OPCML: variants seen among roughly 807,000 people sequenced by gnomAD.
OPCML encodes opioid binding protein/cell adhesion molecule like.
Under a neutral mutation model 37.8 loss-of-function variants are expected in OPCML, and 13 were observed. The ratio of observed to expected loss-of-function variants is 0.34; its 90% CI spans 0.22 to 0.55. OPCML has a LOEUF of 0.55. OPCML is among the 20% of genes least tolerant of loss of function. OPCML has a pLI of 0.91. For missense variants in OPCML, 341 were observed against 435.6 expected, an observed-to-expected ratio of 0.78 and a Z score of 1.93; for synonymous variants, 176 against 168.8, an observed-to-expected ratio of 1.04 and a Z score of -0.33.
intron 1 of OPCML, among the ~76,000 whole-genome samples, chr11:132,983,747 AT>A (rs1247994338): frequency 6.6e-6 from 1 of 152,208 alleles, no homozygotes; most frequent in Non-Finnish European, 1.5e-5. Flanking sequence ...CACCACACAC[AT>A]CTACATTTTT....
intron 3 of OPCML, among the ~76,000 whole-genome samples, chr11:132,536,471 T>C (rs2096341260): frequency 6.6e-6 from 1 of 152,182 alleles, no homozygotes; most frequent in Non-Finnish European, 1.5e-5. Flanking sequence ...GGAGATTAGA[T>C]TAGTGATAAT....
intron 2 of OPCML, among the ~76,000 whole-genome samples, chr11:132,711,746 A>C (rs1004346448): frequency 6.6e-6 from 1 of 152,324 alleles, no homozygotes; most frequent in Non-Finnish European, 1.5e-5. Flanking sequence ...TACAGTGTAC[A>C]CACACATATA....
intron 3 of OPCML, among the ~76,000 whole-genome samples, chr11:132,599,328 G>T (rs1937665857): frequency 6.9e-6 from 1 of 144,888 alleles, no homozygotes; most frequent in Admixed American, 6.8e-5. Context: ...AGGAGGAGAA[G>T]AAGGAGGAGG....
chr11:132,472,739 C>G lies in OPCML; in HGVS notation c.506-35380G>C, dbSNP rs150945187. ...GCTTGCACTGAACAATCTCTCCCCA[C>G]TGGGACCCACAGTCCCCAGCACAAG... On this transcript the variant is annotated intron_variant, in intron 4 of 7. Coordinates refer to ENST00000524381, the MANE Select transcript of OPCML (RefSeq NM_001012393.5). Among the ~76,000 whole-genome samples the G allele has an allele frequency of 3.1e-4, 47 of 152,358 alleles. 1 individual carries two copies. Among genetic ancestry groups the G allele is most frequent in the African/African-American group, 1.1e-3 (46 of 41,588 alleles).
Position 132,525,065 on chromosome 11 carries a change from A to G in OPCML, c.505+3996T>C, listed in dbSNP as rs543893235. ...CAGTGCAGCACTACCTGAAACCTTC[A>G]CTCTTCAACCATTATCATCTCAGGT... On this transcript the variant is annotated intron_variant, in intron 4 of 7. Transcript: ENST00000524381. 4.0e-5 allele frequency among the ~76,000 whole-genome samples: 6 copies of G among 151,672 alleles called. No homozygotes were observed. In the South Asian group the frequency reaches 6.3e-4, roughly 16 times the overall value.
At chr11:132,619,000 C>CAA (rs1348979941) in intron 3 of OPCML, among the ~76,000 whole-genome samples, 2 of 139,734 alleles carry the variant, frequency 1.4e-5, no homozygotes, top group Non-Finnish European at 3.1e-5. Flanking sequence ...CACACACACA[C>CAA]CGTGTTTAGA....
At chr11:133,163,651 T>G (rs1434145711) in intron 1 of OPCML, among the ~76,000 whole-genome samples, 1 of 152,208 alleles carries the variant, frequency 6.6e-6, no homozygotes, top group African/African-American at 2.4e-5. Context: ...CCTCTAGTGG[T>G]TCCTTTTTCT....
intron 4 of OPCML, among the ~76,000 whole-genome samples, chr11:132,506,851 G>A (rs975952446): frequency 2.0e-5 from 3 of 151,414 alleles, no homozygotes; most frequent in Non-Finnish European, 4.4e-5. Flanking sequence ...AAAAGCTGAC[G>A]AGAAACAAAC....
chr11:133,329,109 A>C (rs1943554527), intron 1 of OPCML, among the ~76,000 whole-genome samples: 1 of 152,210 alleles, frequency 6.6e-6, no homozygotes, highest in African/African-American at 2.4e-5. Flanking sequence ...TAAAATATCT[A>C]GGAATCCAAC....
At chr11:133,093,207 T>C (rs563739690) in intron 1 of OPCML, among the ~76,000 whole-genome samples, 39 of 152,064 alleles carry the variant, frequency 2.6e-4, no homozygotes, top group African/African-American at 9.2e-4. Flanking sequence ...TGTGTAGTCT[T>C]TTCTCCCTTG....
intron 4 of OPCML, among the ~76,000 whole-genome samples, chr11:132,480,031 C>T (rs1016503785): frequency 5.3e-5 from 8 of 152,164 alleles, no homozygotes; most frequent in Non-Finnish European, 7.3e-5. Context: ...ATGACTTTGA[C>T]GAGCTGAGAG....
chr11:133,284,391 G>A (rs1320628707), intron 1 of OPCML, among the ~76,000 whole-genome samples: 1 of 152,198 alleles, frequency 6.6e-6, no homozygotes, highest in African/African-American at 2.4e-5. Flanking sequence ...GCAAAAGCGG[G>A]TGTTTGGGAG....
intron 2 of OPCML, among the ~76,000 whole-genome samples, chr11:132,671,526 A>T (rs561871013): frequency 2.6e-5 from 4 of 152,124 alleles, no homozygotes; most frequent in African/African-American, 9.6e-5. Context: ...AGCTGCTGAG[A>T]CTCTCTGAAC....
intron 2 of OPCML, among the ~76,000 whole-genome samples, chr11:132,703,028 A>C (rs1943891577): frequency 6.6e-6 from 1 of 152,076 alleles, no homozygotes. Context: ...CAATTATTTT[A>C]AATTTTTTCA....
intron 4 of OPCML, among the ~76,000 whole-genome samples, chr11:132,469,889 T>A (rs1266981729): frequency 7.7e-6 from 1 of 130,224 alleles, no homozygotes; most frequent in Non-Finnish European, 1.6e-5. Flanking sequence ...GGGAGGTGTG[T>A]GTGTGTAGGT....
At chr11:133,267,031 A>T (rs1470198442) in intron 1 of OPCML, among the ~76,000 whole-genome samples, 1 of 152,210 alleles carries the variant, frequency 6.6e-6, no homozygotes, top group Admixed American at 6.5e-5. Flanking sequence ...TTAAAGCAGA[A>T]GTATGATTCG....
intron 2 of OPCML, among the ~76,000 whole-genome samples, chr11:132,896,756 T>C (rs1161119052): frequency 6.6e-6 from 1 of 152,208 alleles, no homozygotes; most frequent in Admixed American, 6.5e-5. Context: ...AAGTAGAAAC[T>C]ACTGTGGACT....
intron 1 of OPCML, among the ~76,000 whole-genome samples, chr11:133,039,182 C>G (rs982939688): frequency 6.6e-6 from 1 of 152,102 alleles, no homozygotes; most frequent in Non-Finnish European, 1.5e-5. Flanking sequence ...AAATCATAGG[C>G]TTTATCCTTG....
chr11:133,289,391 C>G (rs889779548), intron 1 of OPCML, among the ~76,000 whole-genome samples: 1 of 150,556 alleles, frequency 6.6e-6, no homozygotes, highest in African/African-American at 2.4e-5. Context: ...GTCAGGAGAT[C>G]GAGACCATCC....
Sources: allele counts gnomAD v4.1 joint callset (sites outside exome capture counted in the v4.1 genomes callset), GRCh38; gene constraint gnomAD v4.1.1; transcripts MANE v1.5; gene names NCBI Gene and HGNC (gene_info 2026-07-23, HGNC 2026-07-21).